Variants in KIAA0753 observed in about 807,000 individuals in gnomAD.
KIAA0753 encodes KIAA0753.
In KIAA0753, 114 loss-of-function variants were observed where a neutral mutation model predicts 116.9. The ratio of observed to expected loss-of-function variants is 0.98; its 90% CI spans 0.84 to 1.14. KIAA0753 has a LOEUF of 1.14. Among genes scored for constraint, KIAA0753 ranks in the 50% most tolerant of loss-of-function variants. The pLI, the probability that KIAA0753 is intolerant of heterozygous loss-of-function variation, is 0.00. For missense variants in KIAA0753, 1,156 were observed against 1,172.4 expected, an observed-to-expected ratio of 0.99 and a Z score of 0.20; for synonymous variants, 405 against 413.1, an observed-to-expected ratio of 0.98 and a Z score of 0.24.
In KIAA0753 at chr17:6,628,099, G is replaced by A; in HGVS notation, c.718+18C>T. ...AATCACAGCCTTAGGTCGAAGTAAA[G>A]AATCTAATTTTTCTCACCTTTTTTA... On this transcript the variant is annotated intron_variant, in intron 3 of 18. Transcript: ENST00000361413. The A allele has an allele frequency of 6.3e-7, 1 of 1,599,316 alleles. No individual in the cohort carries two copies. The highest frequency in any genetic ancestry group is 8.5e-7 in the Non-Finnish European group (1 of 1,173,234).
chr17:6,585,239 T>A (rs116423398), intron 18 of KIAA0753, among the ~76,000 whole-genome samples: 4,130 of 152,338 alleles, frequency 0.027, 180 homozygotes, highest in African/African-American at 0.09. Flanking sequence ...TCTGATTATT[T>A]GAATGTGTAC....
chr17:6,631,869 T>C (rs2034263549), intron 2 of KIAA0753, among the ~76,000 whole-genome samples: 1 of 152,154 alleles, frequency 6.6e-6, no homozygotes, highest in Non-Finnish European at 1.5e-5. Flanking sequence ...AAAAGACAAG[T>C]TGAGCCTGGA....
At chr17:6,593,900 T>C (rs932933322) in intron 16 of KIAA0753, among the ~76,000 whole-genome samples, 1 of 152,016 alleles carries the variant, frequency 6.6e-6, no homozygotes, top group African/African-American at 2.4e-5. Flanking sequence ...ATAAAAAAAA[T>C]CACTTGAAAA....
In KIAA0753 at chr17:6,628,401, T is replaced by G. The variant is rs1460771758; in HGVS notation, c.434A>C (p.Glu145Ala). 1 of 1,614,206 alleles carries G rather than the reference T, an allele frequency of 6.2e-7. No homozygotes were observed. Among genetic ancestry groups the G allele is most frequent in the Non-Finnish European group, 8.5e-7 (1 of 1,180,034 alleles). Residue 145 changes from glutamate (E) to alanine (A), a missense_variant, in exon 3 of 19, where the codon GAA becomes GCA. Physicochemically the swap from Glu to Ala is moderately radical, Grantham distance 107. Transcript: ENST00000361413. ...TKYKIPDHRV[E>A]RKESKSQAAC... ...TGCTTGACTCTTTGATTCCTTCCTT[T>G]CCACCCTGTGGTCGGGTATTTTATA...
chr17:6,609,050 TG>T (rs1478419175), intron 9 of KIAA0753, among the ~76,000 whole-genome samples: 1 of 152,260 alleles, frequency 6.6e-6, no homozygotes, highest in Non-Finnish European at 1.5e-5. Context: ...ATTTTAGGTC[TG>T]GCTGTTACAT....
chr17:6,587,680 G>C (rs1039586649), intron 18 of KIAA0753, among the ~76,000 whole-genome samples: 3 of 152,140 alleles, frequency 2.0e-5, no homozygotes, highest in African/African-American at 7.2e-5. Context: ...GTCTCTACCA[G>C]AACAAAGCAT....
chr17:6,634,260 G>A (rs918840460), intron 2 of KIAA0753, among the ~76,000 whole-genome samples: 4 of 151,908 alleles, frequency 2.6e-5, no homozygotes, highest in South Asian at 2.1e-4. Flanking sequence ...GCACCACCAC[G>A]CCCAGCTAAT....
At position 6,624,820 on chromosome 17, in the gene KIAA0753, T is replaced by C; in HGVS notation, c.760A>G (p.Ile254Val). The change falls in exon 4 of 19, where the codon ATC (isoleucine) becomes GTC (valine). Residue 254 changes from isoleucine to valine, a missense_variant. Ile to Val is a conservative substitution (Grantham distance 29, BLOSUM62 3). Coordinates refer to ENST00000361413, the MANE Select transcript of KIAA0753 (RefSeq NM_014804.3). ...EALDPDEERR[I>V]RIRRQEQAAR... is the part of the protein sequence containing the mutation. ...GCTTGCTCCTGTCTCCTGATACGGA[T>C]TCGACGTTCTTCATCTGGATCCAAA... is the stretch of plus-strand genomic sequence containing the variant. 1 of 1,562,548 alleles carries C rather than the reference T, an allele frequency of 6.4e-7. No homozygotes were observed. Among genetic ancestry groups the C allele is most frequent in the Non-Finnish European group, 8.7e-7 (1 of 1,151,432 alleles).
intron 15 of KIAA0753, 102 bp from the exon 16 acceptor site, chr17:6,595,155 G>C (rs758046466): frequency 8.0e-6 from 6 of 746,158 alleles, no homozygotes; most frequent in Non-Finnish European, 9.1e-6. Flanking sequence ...CAACTGATAC[G>C]GACGTACTGC....
chr17:6,635,263 T>C, intron 1 of KIAA0753, 92 bp from the exon 2 acceptor site: 1 of 531,290 alleles, frequency 1.9e-6, no homozygotes, highest in Non-Finnish European at 3.4e-6. Flanking sequence ...AGCAATATAC[T>C]AGAAGTAGCC....
chr17:6,582,140 C>A lies in KIAA0753; in HGVS notation c.2787-2276G>T, dbSNP rs551959012. ...CTAGAAACCTTGCTCCCATTATTCA[C>A]AATGTACTTACTTATTTGACCAATC... is the stretch of plus-strand genomic sequence containing the variant. On this transcript the variant is annotated intron_variant, in intron 18 of 18. Coordinates refer to ENST00000361413, the MANE Select transcript of KIAA0753 (RefSeq NM_014804.3). Among the ~76,000 whole-genome samples, 7 of 152,318 alleles carry A rather than the reference C, an allele frequency of 4.6e-5. No homozygotes were observed. In the East Asian group the frequency reaches 5.8e-4, roughly 13 times the overall value.
chr17:6,624,715 A>C, intron 4 of KIAA0753, 40 bp downstream of exon 4: 1 of 1,319,504 alleles, frequency 7.6e-7, no homozygotes, highest in South Asian at 1.3e-5. Context: ...GAAGCAGTAC[A>C]CAAGGCTGAC....
chr17:6,595,589 G>C (rs764048494), intron 15 of KIAA0753, among the ~76,000 whole-genome samples: 2 of 152,222 alleles, frequency 1.3e-5, no homozygotes, highest in Admixed American at 1.3e-4. Context: ...GCTGAATTGA[G>C]AGTCAGGAGA....
Position 6,608,397 on chromosome 17 carries a change from G to C in KIAA0753, c.1780C>G (p.Pro594Ala). The change falls in exon 10 of 19, where the codon CCT becomes GCT. Residue 594 changes from proline (P) to alanine (A), a missense_variant. Coordinates refer to ENST00000361413, the MANE Select transcript of KIAA0753 (RefSeq NM_014804.3). ...CCTGTCAGGTGACTTTCCTCTTGAG[G>C]ATCTTCTTGCTGGAGAGGCTCTTTT... ...ATKEPLQQEDPQEESHLTGAV... is the reference protein window; with the variant it reads ...ATKEPLQQEDAQEESHLTGAV... The C allele has an allele frequency of 9.6e-6, 15 of 1,563,338 alleles. No individual in the cohort carries two copies. The highest frequency in any genetic ancestry group is 1.2e-5 in the Non-Finnish European group (14 of 1,149,848).
At chr17:6,603,366 C>A (rs1019492285) in intron 12 of KIAA0753, among the ~76,000 whole-genome samples, 3 of 151,986 alleles carry the variant, frequency 2.0e-5, no homozygotes, top group African/African-American at 7.3e-5. Flanking sequence ...GAAAACACAC[C>A]CACAATAAGT....
rs1970435003 is a variant in KIAA0753, at chr17:6,610,120, T to C, written c.1586A>G (p.His529Arg). 2 of 1,614,036 alleles carry C rather than the reference T, an allele frequency of 1.2e-6. No individual in the cohort carries two copies. Among genetic ancestry groups the C allele is most frequent in the African/African-American group, 1.3e-5 (1 of 74,918 alleles). The part of the protein sequence containing the change: ...KAERGRQSQP[H>R]SKSRVQQTTV... The stretch of plus-strand genomic sequence containing the variant: ...TGTCTGCTGCACTCTGCTTTTACTG[T>C]GAGGTTGGCTTTGTCTACCTCTTTC... Residue 529 changes from histidine (H) to arginine (R), a missense_variant, in exon 9 of 19, where the codon CAC (histidine) becomes CGC (arginine). By Grantham distance (29) the His-to-Arg change is conservative (BLOSUM62 0). Coordinates refer to ENST00000361413, the MANE Select transcript of KIAA0753 (RefSeq NM_014804.3).
intron 18 of KIAA0753, 24 bp from the exon 19 acceptor site, chr17:6,579,888 A>C: frequency 3.8e-6 from 6 of 1,572,542 alleles, no homozygotes; most frequent in Non-Finnish European, 5.2e-6. Flanking sequence ...AACACAACTA[A>C]AGGTATGTAC....
intron 18 of KIAA0753, 44 bp from the exon 19 acceptor site, chr17:6,579,908 C>G (rs185407199): frequency 1.4e-6 from 2 of 1,449,910 alleles, no homozygotes; most frequent in Non-Finnish European, 1.9e-6. Context: ...CAAGGCCAGG[C>G]GCGGTGGCTC....
intron 1 of KIAA0753, 30 bp from the exon 2 acceptor site, chr17:6,635,201 A>G (rs1201897638): frequency 1.2e-6 from 1 of 836,112 alleles, no homozygotes; most frequent in Non-Finnish European, 2.0e-6. Context: ...CTTCAGACCA[A>G]CAGCGTTGAA....
Sources: gnomAD v4.1 joint callset for allele counts (sites outside exome capture counted in the v4.1 genomes callset) on GRCh38, gnomAD v4.1.1 for gene constraint, MANE v1.5 for transcripts, NCBI Gene and HGNC (gene_info 2026-07-23, HGNC 2026-07-21) for gene names.